The following CTNND2 variants were observed in gnomAD, a reference collection of about 807,000 sequenced individuals.
CTNND2 encodes the protein catenin delta-2.
CTNND2 carries 22 observed loss-of-function variants against 144.4 expected under a neutral mutation model. That is an observed-to-expected ratio of 0.15 (90% CI 0.11 to 0.22). The LOEUF is 0.22. Ranked by LOEUF, CTNND2 falls within the 10% of genes least tolerant of loss-of-function variation. CTNND2 has a pLI of 1.00. For missense variants in CTNND2, 1,353 were observed against 1,618.8 expected, an observed-to-expected ratio of 0.84 and a Z score of 2.82; for synonymous variants, 751 against 695.6, an observed-to-expected ratio of 1.08 and a Z score of -1.25.
intron 2 of CTNND2, among the ~76,000 whole-genome samples, chr5:11,698,337 G>A (rs907535279): frequency 4.0e-5 from 6 of 149,954 alleles, no homozygotes; most frequent in Non-Finnish European, 5.9e-5. Flanking sequence ...CGCCCAGGCT[G>A]GAATGCAGTG....
At chr5:11,476,958 C>G (rs572568921) in intron 3 of CTNND2, among the ~76,000 whole-genome samples, 2 of 152,088 alleles carry the variant, frequency 1.3e-5, no homozygotes, top group African/African-American at 4.8e-5. Flanking sequence ...CCTTTTTATA[C>G]AAAGATCCCA....
intron 11 of CTNND2, among the ~76,000 whole-genome samples, chr5:11,165,983 A>C (rs1447657584): frequency 6.6e-6 from 1 of 152,216 alleles, no homozygotes; most frequent in African/African-American, 2.4e-5. Flanking sequence ...ACGACAGCCC[A>C]CTGGCTTGCT....
rs532877133 is a variant in CTNND2, at chr5:11,523,871, G to A, written c.287+41073C>T. Among the ~76,000 whole-genome samples, 24 of 152,284 alleles carry A rather than the reference G, an allele frequency of 1.6e-4. No homozygotes were observed. The South Asian group carries it at 4.1e-3, about 26-fold the overall frequency. Reference sequence around the variant, plus strand: ...GAGCCCATGTTGCTGTGAAGCGGGTGCAGGGGGTCTGCACGTCTCATTCTC... The same window carrying A: ...GAGCCCATGTTGCTGTGAAGCGGGTACAGGGGGTCTGCACGTCTCATTCTC... On this transcript the variant is annotated intron_variant, in intron 3 of 21. Transcript: ENST00000304623.
intron 3 of CTNND2, among the ~76,000 whole-genome samples, chr5:11,531,611 G>GT (rs1773753279): frequency 6.6e-6 from 1 of 152,144 alleles, no homozygotes; most frequent in Admixed American, 6.5e-5. Context: ...GGAGGACAGA[G>GT]TAAGACTCTG....
intron 1 of CTNND2, among the ~76,000 whole-genome samples, chr5:11,887,135 C>T (rs917074846): frequency 6.6e-5 from 10 of 151,974 alleles, no homozygotes; most frequent in Non-Finnish European, 1.0e-4. Flanking sequence ...AGGCGCATAC[C>T]GCCACGCCCA....
rs534534597 is a variant in CTNND2 at position 11,094,897 on chromosome 5, T to C, written c.2637+3678A>G. Among the ~76,000 whole-genome samples the C allele has an allele frequency of 1.8e-3, 278 of 152,336 alleles. 3 individuals are homozygous for C. The highest frequency in any genetic ancestry group is 6.8e-3 in the Middle Eastern group (2 of 294). The stretch of plus-strand genomic sequence containing the variant: ...GCTATTCTAGACCTTTCTGCCATTT[T>C]CCTATTATTCTCTACTCGCTTAGCA... On this transcript the variant is annotated intron_variant, in intron 15 of 21. Coordinates refer to ENST00000304623, the MANE Select transcript of CTNND2 (RefSeq NM_001332.4).
chr5:11,156,991 A>T (rs1389502435), intron 12 of CTNND2, among the ~76,000 whole-genome samples: 2 of 152,192 alleles, frequency 1.3e-5, no homozygotes, highest in Non-Finnish European at 2.9e-5. Context: ...ATCTGTTAGC[A>T]GTCTCCTATC....
chr5:11,213,579 A>G (rs1738862637), intron 10 of CTNND2, among the ~76,000 whole-genome samples: 1 of 152,128 alleles, frequency 6.6e-6, no homozygotes, highest in Non-Finnish European at 1.5e-5. Flanking sequence ...ATCTTGGTAT[A>G]AGAAAATACA....
chr5:11,355,591 A>T (rs1755783076), intron 8 of CTNND2, among the ~76,000 whole-genome samples: 1 of 152,202 alleles, frequency 6.6e-6, no homozygotes, highest in African/African-American at 2.4e-5. Context: ...AACAAGGGAA[A>T]GCTAATAGCT....
At chr5:11,516,185 CAG>C (rs1371563519) in intron 3 of CTNND2, among the ~76,000 whole-genome samples, 2 of 152,148 alleles carry the variant, frequency 1.3e-5, no homozygotes, top group South Asian at 4.1e-4. Context: ...ACTAAATTGT[CAG>C]AGTCACCACA....
intron 1 of CTNND2, among the ~76,000 whole-genome samples, chr5:11,900,216 T>C (rs1468345905): frequency 6.6e-6 from 1 of 152,218 alleles, no homozygotes; most frequent in African/African-American, 2.4e-5. Context: ...CAAAAACTAA[T>C]TGATACAGGT....
chr5:11,251,065 T>C (rs963304967), intron 9 of CTNND2, among the ~76,000 whole-genome samples: 2 of 152,192 alleles, frequency 1.3e-5, no homozygotes, highest in African/African-American at 2.4e-5. Flanking sequence ...AGAATGTTGG[T>C]TTATTATTTA....
At chr5:11,675,619 A>G (rs1784134469) in intron 2 of CTNND2, among the ~76,000 whole-genome samples, 1 of 152,144 alleles carries the variant, frequency 6.6e-6, no homozygotes, top group Admixed American at 6.5e-5. Flanking sequence ...CAGAGGACCC[A>G]GAAGAGATTT....
Position 11,346,556 on chromosome 5 carries a change from C to G in CTNND2, c.1444G>C (p.Ala482Pro). ...TGSQHGPQNA[A>P]AATFQRASYA... Reference sequence around the variant, plus strand: ...CTGGCCCTCTGGAAGGTGGCCGCGGCGGCATTCTGTGGGCCGTGCTGGCTG... The same window carrying G: ...CTGGCCCTCTGGAAGGTGGCCGCGGGGGCATTCTGTGGGCCGTGCTGGCTG... Residue 482 changes from alanine to proline, a missense_variant, in exon 9 of 22, where the codon GCC becomes CCC. Transcript: ENST00000304623. The G allele has an allele frequency of 1.2e-6, 2 of 1,603,144 alleles. No homozygotes were observed. The highest frequency in any genetic ancestry group is 1.7e-6 in the Non-Finnish European group (2 of 1,175,064).
At chr5:11,030,072 C>A (rs960009079) in intron 16 of CTNND2, among the ~76,000 whole-genome samples, 3 of 152,140 alleles carry the variant, frequency 2.0e-5, no homozygotes, top group African/African-American at 7.2e-5. Flanking sequence ...CTATATCAAC[C>A]TACTACCTCT....
At chr5:11,715,271 T>C (rs1400941237) in intron 2 of CTNND2, among the ~76,000 whole-genome samples, 3 of 152,206 alleles carry the variant, frequency 2.0e-5, no homozygotes, top group Non-Finnish European at 4.4e-5. Flanking sequence ...GACTGCCAAA[T>C]GCTTTATTGA....
At chr5:11,290,974 T>C (rs1394291872) in intron 9 of CTNND2, among the ~76,000 whole-genome samples, 2 of 152,140 alleles carry the variant, frequency 1.3e-5, no homozygotes, top group Non-Finnish European at 2.9e-5. Flanking sequence ...GTCACCTATA[T>C]TGGAGTCTTC....
intron 1 of CTNND2, among the ~76,000 whole-genome samples, chr5:11,781,974 C>T (rs1790563044): frequency 6.6e-6 from 1 of 152,194 alleles, no homozygotes; most frequent in South Asian, 2.1e-4. Flanking sequence ...TGGATTGTAG[C>T]TCCCATAATC....
chr5:11,141,234 A>T (rs1469691952), intron 12 of CTNND2, among the ~76,000 whole-genome samples: 2 of 152,180 alleles, frequency 1.3e-5, no homozygotes, highest in Admixed American at 6.5e-5. Flanking sequence ...GATTACAGGC[A>T]TGGGACATCA....
Sources: allele counts gnomAD v4.1 joint callset (sites outside exome capture counted in the v4.1 genomes callset), GRCh38; gene constraint gnomAD v4.1.1; transcripts MANE v1.5; gene names NCBI Gene and HGNC (gene_info 2026-07-23, HGNC 2026-07-21).